SMYD3: variants seen among roughly 807,000 people sequenced by gnomAD.
SMYD3 encodes the protein SET and MYND domain containing 3.
A neutral mutation model predicts 57.7 loss-of-function variants in SMYD3; 36 were observed. That is an observed-to-expected ratio of 0.62 (90% CI 0.48 to 0.82). The LOEUF is 0.82. Ranked by LOEUF, SMYD3 falls within the 40% of genes least tolerant of loss-of-function variation. The probability of loss-of-function intolerance (pLI) is 0.00; values close to 1 mark genes in which losing one functional copy is unlikely to be tolerated. For synonymous variants in SMYD3, 211 were observed against 195.0 expected, an observed-to-expected ratio of 1.08 and a Z score of -0.68; for missense variants, 515 against 538.8, an observed-to-expected ratio of 0.96 and a Z score of 0.44.
intron 5 of SMYD3, among the ~76,000 whole-genome samples, chr1:246,082,447 C>T (rs1366570863): frequency 6.6e-6 from 1 of 152,128 alleles, no homozygotes; most frequent in Non-Finnish European, 1.5e-5. Context: ...TGGCCCCCGC[C>T]CAGAGGCATA....
chr1:246,168,912 A>T (rs1456099710), intron 5 of SMYD3, among the ~76,000 whole-genome samples: 1 of 152,152 alleles, frequency 6.6e-6, no homozygotes, highest in African/African-American at 2.4e-5. Flanking sequence ...TCTATCCCAT[A>T]CTTGAAAAAC....
intron 5 of SMYD3, among the ~76,000 whole-genome samples, chr1:246,136,390 G>A (rs1449884266): frequency 6.6e-6 from 1 of 152,126 alleles, no homozygotes; most frequent in Non-Finnish European, 1.5e-5. Flanking sequence ...ACACCTCATG[G>A]AGGAGCCCGG....
At chr1:245,805,144 G>A (rs2048091583) in intron 10 of SMYD3, among the ~76,000 whole-genome samples, 1 of 149,642 alleles carries the variant, frequency 6.7e-6, no homozygotes, top group South Asian at 2.1e-4. Context: ...GAATTTCCTG[G>A]TAAGTGAGAA....
chr1:246,051,043 G>A (rs10924464), intron 5 of SMYD3, among the ~76,000 whole-genome samples: 4,390 of 151,866 alleles, frequency 0.029, 212 homozygotes, highest in African/African-American at 0.099. Context: ...ATGAAATTAC[G>A]AAGAGGAAGA....
intron 4 of SMYD3, among the ~76,000 whole-genome samples, chr1:246,328,201 A>G (rs2065389294): frequency 6.6e-6 from 1 of 150,996 alleles, no homozygotes. Context: ...TCCAAAAAAC[A>G]AAGACAAAAA....
At chr1:246,195,515 A>G (rs1358917540) in intron 5 of SMYD3, among the ~76,000 whole-genome samples, 1 of 152,284 alleles carries the variant, frequency 6.6e-6, no homozygotes, top group East Asian at 1.9e-4. Flanking sequence ...TTCACATCCT[A>G]TTCTCCAAAA....
intron 5 of SMYD3, among the ~76,000 whole-genome samples, chr1:245,970,610 A>G (rs2058273603): frequency 6.6e-6 from 1 of 151,896 alleles, no homozygotes; most frequent in Non-Finnish European, 1.5e-5. Context: ...AATTTACAAG[A>G]AAAAAAACAA....
chr1:245,958,157 T>G (rs1304743036), intron 5 of SMYD3, among the ~76,000 whole-genome samples: 1 of 152,180 alleles, frequency 6.6e-6, no homozygotes, highest in Admixed American at 6.5e-5. Context: ...CAAACGAGGC[T>G]TCTAAGGCTC....
chr1:245,880,569 T>G (rs543452733), intron 8 of SMYD3, among the ~76,000 whole-genome samples: 1 of 152,338 alleles, frequency 6.6e-6, no homozygotes, highest in South Asian at 2.1e-4. Flanking sequence ...TATTTAATCA[T>G]TTCAACGAAG....
At chr1:246,339,806 G>A (rs2065603457) in intron 2 of SMYD3, among the ~76,000 whole-genome samples, 1 of 152,246 alleles carries the variant, frequency 6.6e-6, no homozygotes, top group Non-Finnish European at 1.5e-5. Flanking sequence ...TGCTATAAAA[G>A]AGAGTCCGGC....
Position 245,865,399 on chromosome 1 carries a change from ATTC to A in SMYD3, c.814-1516_814-1514del, listed in dbSNP as rs907439813. 2.0e-5 allele frequency among the ~76,000 whole-genome samples: 3 copies of A among 152,308 alleles called. No homozygotes were observed. The East Asian group carries it at 5.8e-4, about 29-fold the overall frequency. On this transcript the variant is annotated intron_variant, in intron 8 of 11. Transcript: ENST00000490107. ...ATGTGCAACAATTCAGAGGTGAAATATTCTTCTTCCCCCCAGGTCAGAGGGTGT... is the reference window on the plus strand; with the variant it reads ...ATGTGCAACAATTCAGAGGTGAAATATTCTTCCCCCCAGGTCAGAGGGTGT...
intron 8 of SMYD3, among the ~76,000 whole-genome samples, chr1:245,868,673 C>T (rs2052013865): frequency 6.6e-6 from 1 of 152,172 alleles, no homozygotes; most frequent in Admixed American, 6.5e-5. Flanking sequence ...GAAATGATAC[C>T]TCTGAGAGCA....
At chr1:246,016,701 CT>C (rs1168359525) in intron 5 of SMYD3, among the ~76,000 whole-genome samples, 2 of 151,916 alleles carry the variant, frequency 1.3e-5, no homozygotes, top group East Asian at 3.9e-4. Flanking sequence ...GGCAGAAGCA[CT>C]GTGGAAGAGG....
At chr1:246,419,209 A>G (rs1248081994) in intron 1 of SMYD3, among the ~76,000 whole-genome samples, 2 of 152,178 alleles carry the variant, frequency 1.3e-5, no homozygotes, top group Admixed American at 6.5e-5. Context: ...GGATAAACCT[A>G]TAAGATAAAC....
chr1:245,990,345 T>A (rs558450961), intron 5 of SMYD3, among the ~76,000 whole-genome samples: 10 of 152,320 alleles, frequency 6.6e-5, no homozygotes, highest in African/African-American at 2.4e-4. Context: ...CGCCTGGGCA[T>A]CCCAAAGTGC....
At chr1:245,823,331 A>G (rs1005043472) in intron 10 of SMYD3, among the ~76,000 whole-genome samples, 4 of 126,314 alleles carry the variant, frequency 3.2e-5, no homozygotes, top group Admixed American at 8.5e-5. Flanking sequence ...GCACACACAC[A>G]CGCGCGCTCG....
At chr1:246,351,752 A>AT (rs2065828090) in intron 2 of SMYD3, among the ~76,000 whole-genome samples, 1 of 152,226 alleles carries the variant, frequency 6.6e-6, no homozygotes, top group Non-Finnish European at 1.5e-5. Context: ...CGGGGGAAGG[A>AT]AGCTGGGGAA....
intron 2 of SMYD3, 34 bp from the exon 3 acceptor site, chr1:246,335,508 C>A: frequency 1.3e-6 from 2 of 1,573,426 alleles, no homozygotes; most frequent in Non-Finnish European, 1.7e-6. Context: ...ACATAGGTGA[C>A]CTAAAATTTA....
intron 1 of SMYD3, among the ~76,000 whole-genome samples, chr1:246,421,051 T>C (rs1238252309): frequency 6.6e-6 from 1 of 152,228 alleles, no homozygotes; most frequent in African/African-American, 2.4e-5. Flanking sequence ...GTTTACACTG[T>C]ATATTTTTAT....
Sources: gnomAD v4.1 joint callset for allele counts (sites outside exome capture counted in the v4.1 genomes callset) on GRCh38, gnomAD v4.1.1 for gene constraint, MANE v1.5 for transcripts, NCBI Gene and HGNC (gene_info 2026-07-23, HGNC 2026-07-21) for gene names.